Variants in CSMD1 observed in about 807,000 individuals in gnomAD.
CSMD1 encodes the protein CUB and Sushi multiple domains 1, also known as CUB and sushi domain-containing protein 1.
A neutral mutation model predicts 417.5 loss-of-function variants in CSMD1; 213 were observed. That is an observed-to-expected ratio of 0.51 (90% CI 0.46 to 0.57). The LOEUF (loss-of-function observed/expected upper bound fraction) is 0.57, where lower values mean the gene tolerates loss of function less well. Among genes scored for constraint, CSMD1 ranks in the 20% least tolerant of loss-of-function variants. The probability of loss-of-function intolerance (pLI) is 0.00; values close to 1 mark genes in which losing one functional copy is unlikely to be tolerated. For synonymous variants in CSMD1, 2,862 were observed against 1,736.8 expected, an observed-to-expected ratio of 1.65 and a Z score of -16.11; for missense variants, 6,923 against 4,529.7, an observed-to-expected ratio of 1.53 and a Z score of -15.17.
Position 4,400,441 on chromosome 8 carries a change from C to T in CSMD1, c.415+19512G>A, listed in dbSNP as rs77275552. ...TTGTACATGTGCACATGCATGTATG[C>T]AGACATCGAGATTCATTCATTTGCT... On this transcript the variant is annotated intron_variant, in intron 3 of 69. Coordinates refer to ENST00000635120, the MANE Select transcript of CSMD1 (RefSeq NM_033225.6). Among the ~76,000 whole-genome samples, 127 of 152,332 alleles carry T rather than the reference C, an allele frequency of 8.3e-4. 2 individuals are homozygous for T. In the East Asian group the frequency reaches 0.024, roughly 29 times the overall value.
intron 2 of CSMD1, among the ~76,000 whole-genome samples, chr8:4,549,560 C>T (rs1358296232): frequency 6.6e-6 from 1 of 152,048 alleles, no homozygotes; most frequent in East Asian, 1.9e-4. Context: ...TGCACAGCCT[C>T]CCGCATTACG....
chr8:4,593,754 T>C (rs1800112966), intron 2 of CSMD1, among the ~76,000 whole-genome samples: 1 of 152,190 alleles, frequency 6.6e-6, no homozygotes, highest in African/African-American at 2.4e-5. Flanking sequence ...ATATGCAACA[T>C]CATTTCCATT....
At chr8:4,150,374 G>T (rs1186760123) in intron 3 of CSMD1, among the ~76,000 whole-genome samples, 1 of 152,122 alleles carries the variant, frequency 6.6e-6, no homozygotes, top group Non-Finnish European at 1.5e-5. Flanking sequence ...GCTGTCTTTT[G>T]TGCCTGGCTA....
chr8:3,852,261 C>T (rs1305513748), intron 5 of CSMD1, among the ~76,000 whole-genome samples: 1 of 152,056 alleles, frequency 6.6e-6, no homozygotes, highest in Non-Finnish European at 1.5e-5. Flanking sequence ...TGGTAACCAT[C>T]CTGTAGGCAG....
chr8:4,020,977 G>C (rs186071795), intron 4 of CSMD1, among the ~76,000 whole-genome samples: 2 of 152,148 alleles, frequency 1.3e-5, no homozygotes, highest in Non-Finnish European at 2.9e-5. Flanking sequence ...CAGACCCATT[G>C]CCTTATCAGT....
chr8:4,003,276 C>G (rs975161817), intron 4 of CSMD1, among the ~76,000 whole-genome samples: 6 of 151,854 alleles, frequency 4.0e-5, no homozygotes, highest in African/African-American at 1.5e-4. Flanking sequence ...ACTTGTAATC[C>G]CAGCTACTCG....
intron 2 of CSMD1, among the ~76,000 whole-genome samples, chr8:4,534,890 G>C (rs1016989353): frequency 2.6e-5 from 4 of 151,952 alleles, no homozygotes; most frequent in African/African-American, 9.7e-5. Flanking sequence ...AGCCTCCCAA[G>C]TAGCTGGGAC....
intron 2 of CSMD1, among the ~76,000 whole-genome samples, chr8:4,464,840 A>C (rs955255679): frequency 2.0e-4 from 31 of 152,090 alleles, no homozygotes; most frequent in African/African-American, 7.2e-4. Flanking sequence ...AGTATCTATG[A>C]TCCCAATTTA....
intron 37 of CSMD1, among the ~76,000 whole-genome samples, chr8:3,177,841 C>T (rs150931497): frequency 1.3e-5 from 2 of 152,056 alleles, no homozygotes; most frequent in Admixed American, 1.3e-4. Context: ...CAGGATAAAT[C>T]AATATTATCA....
At position 4,420,044 on chromosome 8, in the gene CSMD1, G is replaced by A. The variant is rs528542187; in HGVS notation, c.324C>T (p.Pro108=). The A allele has an allele frequency of 1.7e-5, 26 of 1,571,906 alleles. No individual in the cohort carries two copies. The highest frequency in any genetic ancestry group is 9.5e-6 in the Non-Finnish European group (11 of 1,157,052). Residue 108 remains proline, a synonymous_variant, in exon 3 of 70, where the codon CCC becomes CCT. Transcript: ENST00000635120. ...TAGATCCTGTACTCACTATAGAGGA[G>A]GGCAGCTGAAATCCCGATAATCTAA... ...LKVRLSGFQL[P]SSIVSTGSIL...
intron 2 of CSMD1, among the ~76,000 whole-genome samples, chr8:4,439,969 C>G (rs1434342242): frequency 2.0e-5 from 3 of 152,110 alleles, no homozygotes; most frequent in Non-Finnish European, 4.4e-5. Flanking sequence ...AGATCCTGGC[C>G]TGCACACTTC....
chr8:3,808,413 T>C (rs1199011184), intron 5 of CSMD1, among the ~76,000 whole-genome samples: 2 of 152,186 alleles, frequency 1.3e-5, no homozygotes, highest in Non-Finnish European at 1.5e-5. Context: ...TAAGTTTTAC[T>C]ACTCAACCAA....
intron 1 of CSMD1, among the ~76,000 whole-genome samples, chr8:4,894,463 G>A (rs376804230): frequency 6.6e-6 from 1 of 151,214 alleles, no homozygotes; most frequent in Non-Finnish European, 1.5e-5. Context: ...TGAGGCAGGA[G>A]AATCACTTGA....
intron 1 of CSMD1, among the ~76,000 whole-genome samples, chr8:4,970,109 T>C (rs1042924187): frequency 2.0e-5 from 3 of 151,836 alleles, no homozygotes; most frequent in South Asian, 2.1e-4. Context: ...TATAAAGTAA[T>C]TGTATGTAAA....
intron 5 of CSMD1, among the ~76,000 whole-genome samples, chr8:3,796,710 A>C (rs1246194015): frequency 6.6e-6 from 1 of 150,892 alleles, no homozygotes; most frequent in Non-Finnish European, 1.5e-5. Flanking sequence ...GAGAATGGGT[A>C]GGAAACAATT....
chr8:3,670,061 G>C (rs1185105253), intron 7 of CSMD1, among the ~76,000 whole-genome samples: 1 of 152,232 alleles, frequency 6.6e-6, no homozygotes, highest in East Asian at 1.9e-4. Context: ...AATTTGTGAT[G>C]GTTAATACTG....
intron 2 of CSMD1, among the ~76,000 whole-genome samples, chr8:4,497,177 G>T (rs1354536753): frequency 6.6e-6 from 1 of 152,080 alleles, no homozygotes; most frequent in Non-Finnish European, 1.5e-5. Context: ...ATATTCCAGA[G>T]CATGTGGTCT....
intron 3 of CSMD1, among the ~76,000 whole-genome samples, chr8:4,039,099 G>A (rs530482818): frequency 1.7e-3 from 255 of 152,236 alleles, no homozygotes; most frequent in South Asian, 4.1e-3. Flanking sequence ...CAAGGCTATC[G>A]AAAGGAAGTT....
chr8:4,190,543 C>CTT (rs11397580), intron 3 of CSMD1, among the ~76,000 whole-genome samples: 8,926 of 147,868 alleles, frequency 0.06, 814 homozygotes, highest in African/African-American at 0.2. Flanking sequence ...CACATATAAG[C>CTT]TTTTTTTTTT....
Sources: allele counts gnomAD v4.1 joint callset (sites outside exome capture counted in the v4.1 genomes callset), GRCh38; gene constraint gnomAD v4.1.1; transcripts MANE v1.5; gene names NCBI Gene and HGNC (gene_info 2026-07-23, HGNC 2026-07-21).